The following MED30 variants were observed in gnomAD, a reference collection of about 807,000 sequenced individuals.
MED30 encodes mediator complex subunit 30, also known as mediator of RNA polymerase II transcription subunit 30.
MED30 carries 8 observed loss-of-function variants against 21.7 expected under a neutral mutation model. That is an observed-to-expected ratio of 0.37 (90% CI 0.22 to 0.67). MED30 has a LOEUF of 0.67. Ranked by LOEUF, MED30 falls within the 30% of genes least tolerant of loss-of-function variation. The pLI is 0.58. For synonymous variants in MED30, 79 were observed against 86.7 expected (o/e 0.91, Z 0.49); for missense variants, 203 against 228.2 (o/e 0.89, Z 0.71).
In MED30 at chr8:117,540,033, A is replaced by C; in HGVS notation, c.*55A>C. Reference sequence around the variant, plus strand: ...TGTTATACCATTGTTTTTTCCCTCAAGTATTTTTTCCCTGTGAAGAAGATT... The same window carrying C: ...TGTTATACCATTGTTTTTTCCCTCACGTATTTTTTCCCTGTGAAGAAGATT... On this transcript the variant is annotated 3_prime_UTR_variant, in exon 4 of 4. Coordinates refer to ENST00000297347, the MANE Select transcript of MED30 (RefSeq NM_080651.4). 2.9e-6 allele frequency: 3 copies of C among 1,040,894 alleles called. No individual in the cohort carries two copies. The highest frequency in any genetic ancestry group is 4.1e-6 in the Non-Finnish European group (3 of 726,594). The allele number at this position is 1,040,894 out of a possible 1,614,324, so 64.5% of individuals were successfully genotyped here.
At chr8:117,529,505 G>T (rs1367189485) in intron 2 of MED30, among the ~76,000 whole-genome samples, 1 of 151,976 alleles carries the variant, frequency 6.6e-6, no homozygotes, top group Non-Finnish European at 1.5e-5. Context: ...AAACTGTCCA[G>T]TAGATTTTGC....
At chr8:117,523,269 A>G in intron 1 of MED30, 1 of 1,116,588 alleles carries the variant, frequency 9.0e-7, no homozygotes, top group Non-Finnish European at 1.3e-6. Context: ...AATTTTACTG[A>G]GGTGGCTGAC....
chr8:117,522,348 A>G (rs917971497), intron 1 of MED30, among the ~76,000 whole-genome samples: 1 of 152,162 alleles, frequency 6.6e-6, no homozygotes, highest in Non-Finnish European at 1.5e-5. Flanking sequence ...TAGTTTTGTG[A>G]GTTTTTAAAT....
chr8:117,532,333 T>G (rs1389951083), intron 3 of MED30, among the ~76,000 whole-genome samples: 1 of 151,736 alleles, frequency 6.6e-6, no homozygotes, highest in Non-Finnish European at 1.5e-5. Flanking sequence ...TCAAAGAAAA[T>G]GTTGATAAAT....
At chr8:117,523,316 C>T (rs1482879997) in intron 1 of MED30, 2 of 1,386,186 alleles carry the variant, frequency 1.4e-6, no homozygotes, top group Non-Finnish European at 2.0e-6. Flanking sequence ...AACTGGAATT[C>T]GGTTGTTGAC....
At chr8:117,521,892 TTGTGTGAACG>T (rs1175080301) in intron 1 of MED30, among the ~76,000 whole-genome samples, 2 of 152,236 alleles carry the variant, frequency 1.3e-5, no homozygotes, top group Non-Finnish European at 2.9e-5. Flanking sequence ...TGACAAATTT[TTGTGTGAACG>T]TATGTGTCAT....
At chr8:117,531,215 C>T (rs978360531) in intron 3 of MED30, among the ~76,000 whole-genome samples, 1 of 151,952 alleles carries the variant, frequency 6.6e-6, no homozygotes, top group East Asian at 1.9e-4. Context: ...AGAACTATCC[C>T]AGCATTATTA....
chr8:117,528,530 G>T, intron 1 of MED30, 121 bp from the exon 2 acceptor site: 1 of 719,546 alleles, frequency 1.4e-6, no homozygotes, highest in Non-Finnish European at 2.2e-6. Flanking sequence ...GATCAGTTGT[G>T]AGGGACAGCT....
chr8:117,529,142 T>C (rs187171234), intron 2 of MED30, among the ~76,000 whole-genome samples: 10 of 151,946 alleles, frequency 6.6e-5, no homozygotes, highest in Admixed American at 5.9e-4. Flanking sequence ...AATAGTATCA[T>C]ATACTTTTAA....
chr8:117,523,390 C>T, intron 1 of MED30: 4 of 1,552,582 alleles, frequency 2.6e-6, no homozygotes, highest in Non-Finnish European at 2.7e-6. Flanking sequence ...GTAGGTATCT[C>T]TGTCGGCTTC....
intron 3 of MED30, among the ~76,000 whole-genome samples, chr8:117,538,975 TTTA>T (rs1404097135): frequency 6.6e-6 from 1 of 152,202 alleles, no homozygotes; most frequent in Non-Finnish European, 1.5e-5. Flanking sequence ...GCATTGTACT[TTTA>T]TTATATTTTC....
At chr8:117,525,292 AT>A (rs1449404220) in intron 1 of MED30, among the ~76,000 whole-genome samples, 1 of 146,066 alleles carries the variant, frequency 6.8e-6, no homozygotes, top group Admixed American at 6.8e-5. Context: ...AATTATTTAT[AT>A]TTTTTTCCTG....
intron 2 of MED30, 140 bp downstream of exon 2, chr8:117,528,949 G>A (rs1175378094): frequency 3.5e-6 from 2 of 579,312 alleles, no homozygotes; most frequent in East Asian, 6.2e-5. Flanking sequence ...GACCAGAGAA[G>A]ATGAAAATGT....
At chr8:117,530,592 C>A in intron 2 of MED30, 131 bp from the exon 3 acceptor site, 2 of 596,858 alleles carry the variant, frequency 3.4e-6, no homozygotes, top group Non-Finnish European at 5.7e-6. Context: ...TTCAGGCCAT[C>A]ACCTGAATTG....
intron 3 of MED30, among the ~76,000 whole-genome samples, chr8:117,531,629 A>G (rs1481773518): frequency 1.3e-5 from 2 of 152,014 alleles, no homozygotes; most frequent in East Asian, 1.9e-4. Context: ...TCTAAAAGAC[A>G]TCTGATAAAA....
At chr8:117,537,341 G>T (rs1818895611) in intron 3 of MED30, among the ~76,000 whole-genome samples, 1 of 152,134 alleles carries the variant, frequency 6.6e-6, no homozygotes, top group African/African-American at 2.4e-5. Flanking sequence ...TCAATCAGTG[G>T]CAAGACTGTG....
At chr8:117,533,313 C>T (rs1344438388) in intron 3 of MED30, among the ~76,000 whole-genome samples, 1 of 151,870 alleles carries the variant, frequency 6.6e-6, no homozygotes, top group African/African-American at 2.4e-5. Context: ...AAAAATCTTA[C>T]TATCTACTGA....
At chr8:117,537,775 G>A (rs1818906481) in intron 3 of MED30, among the ~76,000 whole-genome samples, 1 of 151,980 alleles carries the variant, frequency 6.6e-6, no homozygotes, top group African/African-American at 2.4e-5. Context: ...AGTTGATACT[G>A]ATTATAAAGT....
At chr8:117,537,648 T>A (rs1818904447) in intron 3 of MED30, among the ~76,000 whole-genome samples, 1 of 152,144 alleles carries the variant, frequency 6.6e-6, no homozygotes, top group Admixed American at 6.5e-5. Context: ...GAGGCTTAAA[T>A]AAAAAAGAGT....
Sources: gnomAD v4.1 joint callset for allele counts (sites outside exome capture counted in the v4.1 genomes callset) on GRCh38, gnomAD v4.1.1 for gene constraint, MANE v1.5 for transcripts, NCBI Gene and HGNC (gene_info 2026-07-23, HGNC 2026-07-21) for gene names.